Variants in SHB observed in about 807,000 individuals in gnomAD.
The protein encoded by SHB is SH2 domain containing adaptor protein B, also known as SH2 domain-containing adapter protein B.
Under a neutral mutation model 52.3 loss-of-function variants are expected in SHB, and 20 were observed. That is an observed-to-expected ratio of 0.38 (90% confidence interval 0.27 to 0.56). The LOEUF is 0.56. SHB is among the 20% of genes least tolerant of loss of function. The probability of loss-of-function intolerance (pLI) is 0.71; values close to 1 mark genes in which losing one functional copy is unlikely to be tolerated. For missense variants in SHB, 825 were observed against 723.3 expected (o/e 1.14, Z -1.61); for synonymous variants, 397 against 316.5 (o/e 1.25, Z -2.70).
intron 1 of SHB, among the ~76,000 whole-genome samples, chr9:38,053,130 T>C (rs765723721): frequency 4.6e-5 from 7 of 152,276 alleles, no homozygotes; most frequent in Admixed American, 1.3e-4. Context: ...CTGTGTAACA[T>C]AGACTGACTG....
chr9:37,990,922 A>T (rs1820873717), intron 2 of SHB, among the ~76,000 whole-genome samples: 1 of 152,236 alleles, frequency 6.6e-6, no homozygotes, highest in Admixed American at 6.5e-5. Flanking sequence ...ATACGCACAG[A>T]TGTGTATTTT....
intron 5 of SHB, among the ~76,000 whole-genome samples, chr9:37,924,763 A>G (rs1832227569): frequency 6.6e-6 from 1 of 152,158 alleles, no homozygotes. Flanking sequence ...CTGTAGAGCA[A>G]ACAACTTTAA....
At chr9:38,055,073 A>C (rs970342810) in intron 1 of SHB, among the ~76,000 whole-genome samples, 3 of 152,178 alleles carry the variant, frequency 2.0e-5, no homozygotes, top group Non-Finnish European at 4.4e-5. Context: ...CTGGGATGGG[A>C]GCCTAGGAAA....
intron 1 of SHB, among the ~76,000 whole-genome samples, chr9:38,016,585 A>G (rs545560993): frequency 6.6e-6 from 1 of 152,292 alleles, no homozygotes; most frequent in South Asian, 2.1e-4. Flanking sequence ...TTGTCTAGAG[A>G]TAATTAGCTC....
intron 1 of SHB, among the ~76,000 whole-genome samples, chr9:38,048,159 AT>A (rs1287866211): frequency 1.3e-5 from 2 of 152,210 alleles, no homozygotes; most frequent in Non-Finnish European, 2.9e-5. Context: ...CTTCAAAAAA[AT>A]TTCCAATAGT....
chr9:37,949,029 G>A (rs1832528605), intron 4 of SHB, among the ~76,000 whole-genome samples: 1 of 152,222 alleles, frequency 6.6e-6, no homozygotes, highest in African/African-American at 2.4e-5. Context: ...TGTGAGGACA[G>A]GCATCATGGA....
intron 5 of SHB, among the ~76,000 whole-genome samples, chr9:37,931,385 C>T (rs911996440): frequency 2.0e-5 from 3 of 152,082 alleles, no homozygotes; most frequent in African/African-American, 7.2e-5. Context: ...TCACATAACT[C>T]CATAGTGAAA....
intron 1 of SHB, among the ~76,000 whole-genome samples, chr9:38,066,448 C>T (rs1821961634): frequency 1.3e-5 from 2 of 152,200 alleles, no homozygotes; most frequent in Non-Finnish European, 2.9e-5. Context: ...CTGGTGTTTC[C>T]CTCACTGACC....
In SHB at chr9:38,051,698, C is replaced by A. The variant is rs568936731; in HGVS notation, c.717+16231G>T. Among the ~76,000 whole-genome samples, 4 of 152,262 alleles carry A rather than the reference C, an allele frequency of 2.6e-5. No homozygotes were observed. The East Asian group carries it at 5.8e-4, about 22-fold the overall frequency. ...GATGATCCAGAGCCCCACAGAAGCC[C>A]GGCAAGCAGGAGCTGACTGATGGCA... On this transcript the variant is annotated intron_variant, in intron 1 of 5. Transcript: ENST00000377707.
At chr9:38,064,785 T>C (rs1368644100) in intron 1 of SHB, among the ~76,000 whole-genome samples, 1 of 152,226 alleles carries the variant, frequency 6.6e-6, no homozygotes, top group African/African-American at 2.4e-5. Flanking sequence ...AAAAGTGGGC[T>C]ATGTTAGGGG....
At chr9:37,953,109 G>A (rs551172812) in intron 4 of SHB, among the ~76,000 whole-genome samples, 1 of 152,158 alleles carries the variant, frequency 6.6e-6, no homozygotes, top group Admixed American at 6.5e-5. Flanking sequence ...AGGAGCACCA[G>A]GCCCAGAGGC....
At chr9:38,018,834 C>T (rs901992475) in intron 1 of SHB, among the ~76,000 whole-genome samples, 2 of 152,242 alleles carry the variant, frequency 1.3e-5, no homozygotes, top group Admixed American at 6.5e-5. Context: ...CTGGGGCTCA[C>T]CGCCAGTCCA....
chr9:37,936,635 G>A (rs1294240981), intron 5 of SHB: 1 of 152,170 alleles, frequency 6.6e-6, no homozygotes, highest in African/African-American at 2.4e-5. Flanking sequence ...AACCCTGAGG[G>A]TCAAAATCAG....
At chr9:37,991,152 T>C (rs1371537699) in intron 2 of SHB, among the ~76,000 whole-genome samples, 2 of 152,190 alleles carry the variant, frequency 1.3e-5, no homozygotes, top group Admixed American at 1.3e-4. Flanking sequence ...GTGACAGCAC[T>C]TGTTGAGGGT....
chr9:37,963,110 G>A (rs1275976340), intron 3 of SHB, among the ~76,000 whole-genome samples: 1 of 152,172 alleles, frequency 6.6e-6, no homozygotes, highest in East Asian at 1.9e-4. Flanking sequence ...TGAGAGAAGA[G>A]CTGACAGTCT....
chr9:37,935,191 T>C (rs1273144496), intron 5 of SHB, among the ~76,000 whole-genome samples: 2 of 152,232 alleles, frequency 1.3e-5, no homozygotes, highest in African/African-American at 4.8e-5. Context: ...TCAGTCATCT[T>C]ACCATCGATG....
chr9:37,948,591 A>T (rs537753600), intron 5 of SHB, 44 bp downstream of exon 5: 1 of 1,604,062 alleles, frequency 6.2e-7, no homozygotes, highest in Non-Finnish European at 8.5e-7. Context: ...CTGCGCTCGC[A>T]GAGGCTGCCG....
intron 2 of SHB, among the ~76,000 whole-genome samples, chr9:37,997,706 CCAG>C (rs1260952585): frequency 8.5e-5 from 13 of 152,312 alleles, no homozygotes; most frequent in African/African-American, 3.1e-4. Flanking sequence ...TCTGGGCTGT[CCAG>C]CTCCACCACC....
chr9:37,928,454 C>G (rs1832274802), intron 5 of SHB, among the ~76,000 whole-genome samples: 1 of 152,220 alleles, frequency 6.6e-6, no homozygotes, highest in African/African-American at 2.4e-5. Flanking sequence ...TTTGCACTCC[C>G]TCTTCCCTGG....
Sources: allele counts gnomAD v4.1 joint callset (sites outside exome capture counted in the v4.1 genomes callset), GRCh38; gene constraint gnomAD v4.1.1; transcripts MANE v1.5; gene names NCBI Gene and HGNC (gene_info 2026-07-23, HGNC 2026-07-21).